Variants in UGT1A5 observed in about 807,000 individuals in gnomAD.
UGT1A5 encodes UDP-glucuronosyltransferase 1A5.
A neutral mutation model predicts 40.3 loss-of-function variants in UGT1A5; 29 were observed. The observed-to-expected ratio is 0.72, with a 90% CI of 0.54 to 0.98. The LOEUF (loss-of-function observed/expected upper bound fraction) is 0.98. Ranked by LOEUF, UGT1A5 falls within the 50% of genes least tolerant of loss-of-function variation. The probability of loss-of-function intolerance (pLI) is 0.00; values close to 1 mark genes in which losing one functional copy is unlikely to be tolerated. For missense variants in UGT1A5, 678 were observed against 677.9 expected, an observed-to-expected ratio of 1.00 and a Z score of 0.00; for synonymous variants, 257 against 262.5, an observed-to-expected ratio of 0.98 and a Z score of 0.20.
intron 1 of UGT1A5, among the ~76,000 whole-genome samples, chr2:233,732,958 C>G (rs75520741): frequency 0.048 from 7,267 of 152,142 alleles, 252 homozygotes; most frequent in East Asian, 0.16. Flanking sequence ...AATGTTCTTC[C>G]ATTTGTTTGT....
chr2:233,718,782 C>T lies in UGT1A5; in HGVS notation c.867+4924C>T, dbSNP rs199517966. On this transcript the variant is annotated intron_variant, in intron 1 of 4. Coordinates refer to ENST00000373414, the MANE Select transcript of UGT1A5 (RefSeq NM_019078.2). ...AAGGAAACAAATGTAGCAGGCACAGCGTGGGGTGGACAGTCAGCTGTCGGT... is the reference window on the plus strand; with the variant it reads ...AAGGAAACAAATGTAGCAGGCACAGTGTGGGGTGGACAGTCAGCTGTCGGT... 246 of 1,612,936 alleles carry T rather than the reference C, an allele frequency of 1.5e-4. No individual in the cohort carries two copies. The East Asian group carries it at 2.9e-3, about 19-fold the overall frequency.
intron 1 of UGT1A5, among the ~76,000 whole-genome samples, chr2:233,726,473 A>T (rs2077534267): frequency 6.6e-6 from 1 of 152,158 alleles, no homozygotes; most frequent in Non-Finnish European, 1.5e-5. Flanking sequence ...TCTTTAACAG[A>T]AATTTCCTTT....
intron 1 of UGT1A5, chr2:233,743,968 T>C (rs1283229468): frequency 3.0e-6 from 4 of 1,327,120 alleles, no homozygotes; most frequent in Non-Finnish European, 4.0e-6. Context: ...GCGGCAAGGC[T>C]GCCAGCACCC....
chr2:233,749,394 A>T (rs1364997409), intron 1 of UGT1A5, among the ~76,000 whole-genome samples: 1 of 151,918 alleles, frequency 6.6e-6, no homozygotes, highest in African/African-American at 2.4e-5. Flanking sequence ...CAATGTGAAC[A>T]TATTCTCTAG....
At chr2:233,718,755 C>G (rs372600165) in intron 1 of UGT1A5, 10 of 1,612,204 alleles carry the variant, frequency 6.2e-6, no homozygotes, top group East Asian at 4.5e-5. Flanking sequence ...GTAATTAAGG[C>G]GAAGGAAACA....
chr2:233,716,591 A>G (rs766346960), intron 1 of UGT1A5, among the ~76,000 whole-genome samples: 5 of 152,152 alleles, frequency 3.3e-5, no homozygotes, highest in Non-Finnish European at 7.4e-5. Context: ...CAAAGAGCAA[A>G]AATTTTAGAA....
In UGT1A5 at chr2:233,713,463, G is replaced by A. The variant is rs762349371; in HGVS notation, c.472G>A (p.Ala158Thr). 56 of 1,613,940 alleles carry A rather than the reference G, an allele frequency of 3.5e-5. No individual in the cohort carries two copies. The highest frequency in any genetic ancestry group is 3.0e-4 in the Admixed American group (18 of 59,996). Reference protein sequence around the residue: ...VVLTDPFHLCAAVLAKYLSIP... With the variant: ...VVLTDPFHLCTAVLAKYLSIP... ...TCTAACAGACCCCTTTCACCTCTGC[G>A]CGGCGGTGCTGGCTAAGTACCTGTC... Residue 158 changes from alanine (A) to threonine (T), a missense_variant, in exon 1 of 5, where the codon GCG becomes ACG. By Grantham distance (58) the Ala-to-Thr change is moderately conservative. Transcript: ENST00000373414.
rs144721642 is a variant in UGT1A5, at chr2:233,760,960, G to A, written c.868-6074G>A. 13 of 1,614,166 alleles carry A rather than the reference G, an allele frequency of 8.1e-6. No homozygotes were observed. Among genetic ancestry groups the A allele is most frequent in the African/African-American group, 5.3e-5 (4 of 75,032 alleles). On this transcript the variant is annotated intron_variant, in intron 1 of 4. Coordinates refer to ENST00000373414, the MANE Select transcript of UGT1A5 (RefSeq NM_019078.2). The stretch of plus-strand genomic sequence containing the variant: ...CTTTTCACAGAACTTTCTGTGCGAC[G>A]TGGTTTATTCCCCGTATGCAACCCT...
chr2:233,737,919 T>C (rs1472023706), intron 1 of UGT1A5, among the ~76,000 whole-genome samples: 1 of 152,102 alleles, frequency 6.6e-6, no homozygotes, highest in African/African-American at 2.4e-5. Flanking sequence ...CAGGCTAGTG[T>C]ATTTAGTAGT....
chr2:233,750,413 A>G, intron 1 of UGT1A5, among the ~76,000 whole-genome samples: 1 of 151,976 alleles, frequency 6.6e-6, no homozygotes, highest in East Asian at 1.9e-4. Context: ...ACCATGTGGT[A>G]GAAAAGAAAA....
Position 233,772,612 on chromosome 2 carries a change from A to C in UGT1A5, c.*53A>C. ...TTGAACCATTCCCTAGTCATTTCCAAACTTGAAAACAGAATCAGTGTTAAA... is the reference window on the plus strand; with the variant it reads ...TTGAACCATTCCCTAGTCATTTCCACACTTGAAAACAGAATCAGTGTTAAA... On this transcript the variant is annotated 3_prime_UTR_variant, in exon 5 of 5. Coordinates refer to ENST00000373414, the MANE Select transcript of UGT1A5 (RefSeq NM_019078.2). The C allele has an allele frequency of 6.3e-7, 1 of 1,577,490 alleles. No homozygotes were observed. Among genetic ancestry groups the C allele is most frequent in the Non-Finnish European group, 8.6e-7 (1 of 1,160,700 alleles).
intron 1 of UGT1A5, among the ~76,000 whole-genome samples, chr2:233,754,141 CATTAA>C (rs911730830): frequency 6.6e-6 from 1 of 152,194 alleles, no homozygotes; most frequent in Admixed American, 6.5e-5. Flanking sequence ...TAAAAGCCAT[CATTAA>C]ATTAAGCCAG....
rs1430980091 is a variant in UGT1A5 at position 233,768,314 on chromosome 2, G to A, written c.1182G>A (p.Leu394=). ...CNGVPMVMMP[L]FGDQMDNAKR... is the part of the protein sequence containing the mutation. ...GCGTTCCCATGGTGATGATGCCCTTGTTTGGTGATCAGATGGACAATGCAA... is the reference window on the plus strand; with the variant it reads ...GCGTTCCCATGGTGATGATGCCCTTATTTGGTGATCAGATGGACAATGCAA... The change falls in exon 4 of 5, where the codon TTG becomes TTA. Residue 394 remains leucine (L), a synonymous_variant. Transcript: ENST00000373414. 1.9e-5 allele frequency: 31 copies of A among 1,614,180 alleles called. No homozygotes were observed. Among genetic ancestry groups the A allele is most frequent in the Non-Finnish European group, 2.6e-5 (31 of 1,180,040 alleles).
At chr2:233,767,532 T>C (rs183725309) in intron 2 of UGT1A5, among the ~76,000 whole-genome samples, 16 of 152,382 alleles carry the variant, frequency 1.0e-4, no homozygotes, top group Non-Finnish European at 2.1e-4. Context: ...ATGTCTTACA[T>C]TTCTGCTCTT....
rs528561296 is a variant in UGT1A5 at position 233,741,118 on chromosome 2, C to T, written c.868-25916C>T. On this transcript the variant is annotated intron_variant, in intron 1 of 4. Transcript: ENST00000373414. Reference sequence around the variant, plus strand: ...AAACAGACAATCAAGCTTTACACTTCTATAAAAGCAACACTTTCCATTTAT... The same window carrying T: ...AAACAGACAATCAAGCTTTACACTTTTATAAAAGCAACACTTTCCATTTAT... Among the ~76,000 whole-genome samples the T allele has an allele frequency of 4.6e-4, 70 of 151,828 alleles. 2 individuals are homozygous for T. Among genetic ancestry groups the T allele is most frequent in the African/African-American group, 1.6e-3 (68 of 41,226 alleles).
At chr2:233,719,992 A>G (rs1452889114) in intron 1 of UGT1A5, among the ~76,000 whole-genome samples, 2 of 152,184 alleles carry the variant, frequency 1.3e-5, no homozygotes, top group African/African-American at 4.8e-5. Flanking sequence ...GATCAGGGAC[A>G]CTACATTCAG....
chr2:233,743,863 G>A (rs369107156), intron 1 of UGT1A5: 364 of 1,364,642 alleles, frequency 2.7e-4, no homozygotes, highest in Middle Eastern at 2.1e-4. Context: ...CCTTCTTGAT[G>A]GCCTCGGATG....
intron 1 of UGT1A5, chr2:233,743,701 C>A (rs13009407): frequency 2.9e-6 from 4 of 1,367,150 alleles, no homozygotes; most frequent in South Asian, 2.3e-5. Context: ...CGCCCTCCGC[C>A]CCCGCCTCGC....
intron 1 of UGT1A5, among the ~76,000 whole-genome samples, chr2:233,766,551 C>T (rs564580695): frequency 6.6e-6 from 1 of 152,328 alleles, no homozygotes; most frequent in East Asian, 1.9e-4. Flanking sequence ...TGCCTGTCCT[C>T]ACCTAGGTCC....
Sources: allele counts gnomAD v4.1 joint callset (sites outside exome capture counted in the v4.1 genomes callset), GRCh38; gene constraint gnomAD v4.1.1; transcripts MANE v1.5; gene names NCBI Gene and HGNC (gene_info 2026-07-23, HGNC 2026-07-21).